Variants in DYNLT2B observed in about 807,000 individuals in gnomAD.
The protein encoded by DYNLT2B is dynein light chain Tctex-type protein 2B.
DYNLT2B carries 14 observed loss-of-function variants against 19.5 expected under a neutral mutation model. That is an observed-to-expected ratio of 0.72 (90% CI 0.47 to 1.12). DYNLT2B has a LOEUF of 1.12. Ranked by LOEUF, DYNLT2B falls within the 50% of genes most tolerant of loss-of-function variation. The probability of loss-of-function intolerance (pLI) is 0.00; values close to 1 mark genes in which losing one functional copy is unlikely to be tolerated. For missense variants in DYNLT2B, 133 were observed against 174.7 expected, an observed-to-expected ratio of 0.76 and a Z score of 1.35; for synonymous variants, 70 against 59.7, an observed-to-expected ratio of 1.17 and a Z score of -0.79.
At chr3:196,314,747 G>C (rs1243160056) in intron 2 of DYNLT2B, among the ~76,000 whole-genome samples, 1 of 151,964 alleles carries the variant, frequency 6.6e-6, no homozygotes, top group Non-Finnish European at 1.5e-5. Context: ...GCTTGAGCCA[G>C]GAGGTCAAGG....
At position 196,295,997 on chromosome 3, in the gene DYNLT2B, T is replaced by C; in HGVS notation, c.381+9A>G. On this transcript the variant is annotated intron_variant, in intron 4 of 4. Coordinates refer to ENST00000325318, the MANE Select transcript of DYNLT2B (RefSeq NM_152773.5). ...TAGAAAGGGAAAAGAGGTTTCCAAA[T>C]ACACTTACATTCATGAAAACATCAT... 6.2e-7 allele frequency: 1 copy of C among 1,610,540 alleles called. No individual in the cohort carries two copies. The highest frequency in any genetic ancestry group is 8.5e-7 in the Non-Finnish European group (1 of 1,177,616).
rs1353948033 is a variant in DYNLT2B, at chr3:196,317,060, GTGGTGT to G, written c.114-835_114-830del. ...TGTGTGTGTGTTGTGTGGTGTGTGT[GTGGTGT>G]GTGTGTGTGTGTGTGTGTGTGTAAA... On this transcript the variant is annotated intron_variant, in intron 1 of 4. Transcript: ENST00000325318. Among the ~76,000 whole-genome samples the G allele has an allele frequency of 2.2e-3, 187 of 85,774 alleles. 7 individuals carry two copies. Among genetic ancestry groups the G allele is most frequent in the Middle Eastern group, 9.1e-3 (1 of 110 alleles). 56.3% of individuals were successfully genotyped at this position (85,774 alleles called of 152,430 possible).
chr3:196,317,706 C>A (rs375782051), intron 1 of DYNLT2B, among the ~76,000 whole-genome samples: 18 of 152,320 alleles, frequency 1.2e-4, no homozygotes, highest in African/African-American at 2.6e-4. Flanking sequence ...GAACGGCATC[C>A]GACGCGAGTG....
At chr3:196,303,377 T>C (rs61254593) in intron 3 of DYNLT2B, among the ~76,000 whole-genome samples, 34,222 of 152,146 alleles carry the variant, frequency 0.22, 5,408 homozygotes, top group East Asian at 0.76. Context: ...GAATCGGCTC[T>C]GTCTAGGCAG....
chr3:196,307,932 T>C (rs966212199), intron 2 of DYNLT2B, among the ~76,000 whole-genome samples: 1 of 151,400 alleles, frequency 6.6e-6, no homozygotes, highest in African/African-American at 2.4e-5. Context: ...AATATAAAAA[T>C]TAGCCAGGCA....
At chr3:196,304,418 C>A (rs918238015) in intron 3 of DYNLT2B, among the ~76,000 whole-genome samples, 1 of 152,110 alleles carries the variant, frequency 6.6e-6, no homozygotes, top group Non-Finnish European at 1.5e-5. Flanking sequence ...CAGGTGGGAG[C>A]CACTGCACCT....
At chr3:196,296,759 A>T (rs150212568) in intron 3 of DYNLT2B, among the ~76,000 whole-genome samples, 27 of 152,302 alleles carry the variant, frequency 1.8e-4, no homozygotes, top group African/African-American at 6.3e-4. Flanking sequence ...GACCTTAAAG[A>T]AAAGTTTTGC....
At chr3:196,298,873 G>C (rs1726282571) in intron 3 of DYNLT2B, among the ~76,000 whole-genome samples, 2 of 152,106 alleles carry the variant, frequency 1.3e-5, no homozygotes, top group Non-Finnish European at 2.9e-5. Context: ...AATTTAACTA[G>C]TAGGAGAGTT....
chr3:196,308,471 C>T (rs748315450), intron 2 of DYNLT2B, among the ~76,000 whole-genome samples: 13 of 152,138 alleles, frequency 8.5e-5, no homozygotes, highest in African/African-American at 7.2e-5. Flanking sequence ...CCAGAAACTA[C>T]GTTGCTAAAG....
intron 2 of DYNLT2B, among the ~76,000 whole-genome samples, chr3:196,311,665 A>T (rs1010351156): frequency 7.6e-5 from 3 of 39,386 alleles, no homozygotes; most frequent in African/African-American, 1.1e-4. Context: ...GGATTATTTT[A>T]TTTATTTATT....
At chr3:196,313,811 T>C (rs921596233) in intron 2 of DYNLT2B, among the ~76,000 whole-genome samples, 1 of 152,026 alleles carries the variant, frequency 6.6e-6, no homozygotes, top group Middle Eastern at 3.2e-3. Flanking sequence ...TTTAAAACTT[T>C]AAGGGGCCAG....
chr3:196,293,925 G>A (rs912505026), intron 4 of DYNLT2B, among the ~76,000 whole-genome samples: 3 of 151,440 alleles, frequency 2.0e-5, no homozygotes, highest in Non-Finnish European at 4.4e-5. Flanking sequence ...TTACAGGCAT[G>A]AGCCACCGTG....
intron 3 of DYNLT2B, among the ~76,000 whole-genome samples, chr3:196,298,779 C>T (rs975942288): frequency 6.6e-6 from 1 of 152,120 alleles, no homozygotes; most frequent in East Asian, 1.9e-4. Flanking sequence ...GATTTTTTTC[C>T]TGGAGGATTT....
rs117981556 is a variant in DYNLT2B, at chr3:196,317,679, A to G, written c.113+361T>C. Reference sequence around the variant, plus strand: ...CATCCTGGCACCCGTGTGCACAGTCACCCTCGAATCACGGCTGAACGGCAT... The same window carrying G: ...CATCCTGGCACCCGTGTGCACAGTCGCCCTCGAATCACGGCTGAACGGCAT... On this transcript the variant is annotated intron_variant, in intron 1 of 4. Transcript: ENST00000325318. 1.6e-3 allele frequency among the ~76,000 whole-genome samples: 241 copies of G among 152,140 alleles called. 6 individuals are homozygous for G. In the East Asian group the frequency reaches 0.043, roughly 27 times the overall value.
intron 3 of DYNLT2B, among the ~76,000 whole-genome samples, chr3:196,304,046 G>A (rs1415945926): frequency 6.6e-6 from 1 of 152,148 alleles, no homozygotes; most frequent in Non-Finnish European, 1.5e-5. Context: ...TATTCTTACA[G>A]TAACAGGGAA....
chr3:196,308,126 G>T (rs1726542780), intron 2 of DYNLT2B, among the ~76,000 whole-genome samples: 1 of 150,936 alleles, frequency 6.6e-6, no homozygotes, highest in Admixed American at 6.6e-5. Flanking sequence ...ATTATAAATT[G>T]AGTATGCTTA....
Position 196,296,071 on chromosome 3 carries a change from T to TA in DYNLT2B, c.318-3dup, listed in dbSNP as rs755893980. On this transcript the variant is annotated splice_polypyrimidine_tract_variant and splice_region_variant and intron_variant, in intron 3 of 4. Transcript: ENST00000325318. Reference sequence around the variant, plus strand: ...TCCCAGAAACAGCGAGAAGCCATGCTAAAAAATCCAAGAATGAAGAATTAT... The same window carrying TA: ...TCCCAGAAACAGCGAGAAGCCATGCTAAAAAAATCCAAGAATGAAGAATTAT... 33 of 1,613,528 alleles carry TA rather than the reference T, an allele frequency of 2.0e-5. No individual in the cohort carries two copies. Among genetic ancestry groups the TA allele is most frequent in the Admixed American group, 1.0e-4 (6 of 59,960 alleles).
At chr3:196,301,342 A>G (rs764020717) in intron 3 of DYNLT2B, among the ~76,000 whole-genome samples, 3 of 152,196 alleles carry the variant, frequency 2.0e-5, no homozygotes, top group Non-Finnish European at 4.4e-5. Flanking sequence ...AGCCATATAC[A>G]TGATTATCAA....
At chr3:196,299,577 T>G (rs964777779) in intron 3 of DYNLT2B, among the ~76,000 whole-genome samples, 3 of 151,974 alleles carry the variant, frequency 2.0e-5, no homozygotes, top group Non-Finnish European at 2.9e-5. Context: ...GGAGGGAAGA[T>G]CCCATAAAAA....
Sources: allele counts gnomAD v4.1 joint callset (sites outside exome capture counted in the v4.1 genomes callset), GRCh38; gene constraint gnomAD v4.1.1; transcripts MANE v1.5; gene names NCBI Gene and HGNC (gene_info 2026-07-23, HGNC 2026-07-21).